Variants in POR observed in about 807,000 individuals in gnomAD.
The protein encoded by POR is cytochrome p450 oxidoreductase, also known as NADPH--cytochrome P450 reductase.
Under a neutral mutation model 84.0 loss-of-function variants are expected in POR, and 56 were observed. The observed-to-expected ratio is 0.67, with a 90% CI of 0.54 to 0.83. The LOEUF (loss-of-function observed/expected upper bound fraction) is 0.83. Ranked by LOEUF, POR falls within the 40% of genes least tolerant of loss-of-function variation. POR has a pLI of 0.00. For missense variants in POR, 938 were observed against 944.3 expected, an observed-to-expected ratio of 0.99 and a Z score of 0.09; for synonymous variants, 414 against 400.5, an observed-to-expected ratio of 1.03 and a Z score of -0.40.
At chr7:75,979,350 G>A (rs1002240754) in intron 3 of POR, 101 bp from the exon 4 acceptor site, 42 of 1,402,664 alleles carry the variant, frequency 3.0e-5, no homozygotes, top group Middle Eastern at 1.9e-4. Context: ...GAAAGGGGGC[G>A]GCCTGGAGGG....
At chr7:75,946,866 T>C (rs1563410361) in intron 1 of POR, 1 of 152,242 alleles carries the variant, frequency 6.6e-6, no homozygotes, top group Non-Finnish European at 1.5e-5. Flanking sequence ...AGGGACTGCC[T>C]GACCCGGAAG....
At chr7:75,959,711 G>A (rs1024083302) in intron 2 of POR, among the ~76,000 whole-genome samples, 23 of 152,128 alleles carry the variant, frequency 1.5e-4, no homozygotes, top group East Asian at 5.8e-4. Flanking sequence ...CCGCCTGGGC[G>A]TCCCAAAATA....
Position 75,980,462 on chromosome 7 carries a change from G to A in POR, c.490G>A (p.Val164Met), listed in dbSNP as rs200112691. ...CTACGACTGGCTGCAGGAGACAGAC[G>A]TGGATCTCTCTGGGGTCAAGTTCGC... is the stretch of plus-strand genomic sequence containing the variant. The change falls in exon 5 of 16, where the codon GTG (valine) becomes ATG (methionine). Residue 164 changes from valine (V) to methionine (M), a missense_variant. Transcript: ENST00000461988. 549 of 1,613,108 alleles carry A rather than the reference G, an allele frequency of 3.4e-4. No homozygotes were observed. The highest frequency in any genetic ancestry group is 5.8e-4 in the South Asian group (53 of 91,072).
Position 75,981,498 on chromosome 7 carries a change from T to G in POR, c.642-19T>G. The G allele has an allele frequency of 1.2e-6, 2 of 1,603,504 alleles. No homozygotes were observed. Among genetic ancestry groups the G allele is most frequent in the Non-Finnish European group, 1.7e-6 (2 of 1,174,908 alleles). On this transcript the variant is annotated intron_variant, in intron 6 of 15. Transcript: ENST00000461988. Reference sequence around the variant, plus strand: ...TGGGCCTCCCCTGAGCCGCTCCCCCTCTCCTCTCCTCGGCCCAGCTTGGAG... The same window carrying G: ...TGGGCCTCCCCTGAGCCGCTCCCCCGCTCCTCTCCTCGGCCCAGCTTGGAG...
At chr7:75,962,368 A>C (rs933820383) in intron 2 of POR, among the ~76,000 whole-genome samples, 1 of 152,072 alleles carries the variant, frequency 6.6e-6, no homozygotes, top group Admixed American at 6.6e-5. Flanking sequence ...ATCAGGGCTC[A>C]CTACAGCCTC....
Position 75,985,628 on chromosome 7 carries a change from C to T in POR, c.1448C>T (p.Thr483Ile), listed in dbSNP as rs377735795. 8 of 1,591,310 alleles carry T rather than the reference C, an allele frequency of 5.0e-6. No homozygotes were observed. Among genetic ancestry groups the T allele is most frequent in the Non-Finnish European group, 6.8e-6 (8 of 1,168,786 alleles). ...TGTGCGGTGGTTGTGGAGTACGAGACCAAGGCTGGCCGCATCAACAAGGGC... is the reference window on the plus strand; with the variant it reads ...TGTGCGGTGGTTGTGGAGTACGAGATCAAGGCTGGCCGCATCAACAAGGGC... The change falls in exon 13 of 16, where the codon ACC (threonine) becomes ATC (isoleucine). Residue 483 changes from threonine (T) to isoleucine (I), a missense_variant. By Grantham distance (89) the Thr-to-Ile change is moderately conservative. Transcript: ENST00000461988.
At chr7:75,940,600 T>A (rs1289796158) in intron 1 of POR, among the ~76,000 whole-genome samples, 9 of 150,770 alleles carry the variant, frequency 6.0e-5, no homozygotes, top group Non-Finnish European at 1.2e-4. Context: ...CTGGCTAATA[T>A]GGTGAAACCC....
intron 1 of POR, among the ~76,000 whole-genome samples, chr7:75,938,925 A>C (rs1326779754): frequency 1.3e-5 from 2 of 152,102 alleles, no homozygotes; most frequent in African/African-American, 2.4e-5. Flanking sequence ...TGACTGGTGG[A>C]CCCTGATCAT....
chr7:75,920,278 C>T (rs1806791722), intron 1 of POR, among the ~76,000 whole-genome samples: 1 of 151,856 alleles, frequency 6.6e-6, no homozygotes, highest in Non-Finnish European at 1.5e-5. Context: ...CTGTGTTGGC[C>T]AGGCTGGTTT....
intron 3 of POR, among the ~76,000 whole-genome samples, chr7:75,977,736 C>CGT (rs1177588542): frequency 1.3e-5 from 2 of 152,184 alleles, no homozygotes; most frequent in African/African-American, 4.8e-5. Context: ...TGAGATCGTG[C>CGT]CATTACACTC....
chr7:75,931,882 A>G (rs1424783670), intron 1 of POR, among the ~76,000 whole-genome samples: 1 of 152,184 alleles, frequency 6.6e-6, no homozygotes, highest in Non-Finnish European at 1.5e-5. Flanking sequence ...AGCTGAGGCC[A>G]CTACTCGATT....
intron 1 of POR, among the ~76,000 whole-genome samples, chr7:75,952,651 G>C (rs1320893461): frequency 1.3e-5 from 2 of 151,152 alleles, no homozygotes; most frequent in East Asian, 3.9e-4. Context: ...ATGGGGTCGC[G>C]GCCGGGCAGA....
In POR at chr7:75,985,069, G is replaced by C. The variant is rs781849053; in HGVS notation, c.1260G>C (p.Leu420=). 2.2e-5 allele frequency: 35 copies of C among 1,598,662 alleles called. No homozygotes were observed. The highest frequency in any genetic ancestry group is 3.3e-4 in the Middle Eastern group (2 of 6,072). The change falls in exon 12 of 16, where the codon CTG becomes CTC. Residue 420 remains leucine, a synonymous_variant. Coordinates refer to ENST00000461988, the MANE Select transcript of POR (RefSeq NM_000941.3). ...CCCGTGTCTCTTAGGAGCTGTACCT[G>C]AGCTGGGTGGTGGAGGCCCGGAGGC...
At chr7:75,924,091 A>G (rs1471788937) in intron 1 of POR, among the ~76,000 whole-genome samples, 2 of 152,064 alleles carry the variant, frequency 1.3e-5, no homozygotes, top group Admixed American at 1.3e-4. Context: ...TAACTCTAGC[A>G]TTTGTACAAG....
At chr7:75,983,026 C>T (rs1205870143) in intron 8 of POR, among the ~76,000 whole-genome samples, 1 of 152,148 alleles carries the variant, frequency 6.6e-6, no homozygotes, top group Non-Finnish European at 1.5e-5. Context: ...CAGCTCTGCC[C>T]ATGTGGTGGG....
intron 12 of POR, 162 bp from the exon 13 acceptor site, chr7:75,985,417 C>T (rs1789375750): frequency 3.5e-6 from 4 of 1,137,960 alleles, no homozygotes; most frequent in Admixed American, 2.9e-5. Flanking sequence ...GTCCCCAGAA[C>T]CAGTCCGGGA....
rs1163437835 is a variant in POR, at chr7:75,983,754, C to T, written c.964C>T (p.His322Tyr). ...TCCCTCCAGGTATGAATCTGGGGACCACGTGGCTGTGTACCCAGCCAACGA... is the reference window on the plus strand; with the variant it reads ...TCCCTCCAGGTATGAATCTGGGGACTACGTGGCTGTGTACCCAGCCAACGA... The change falls in exon 10 of 16, where the codon CAC becomes TAC. Residue 322 changes from histidine (H) to tyrosine (Y), a missense_variant. Coordinates refer to ENST00000461988, the MANE Select transcript of POR (RefSeq NM_000941.3). 1 of 1,612,384 alleles carries T rather than the reference C, an allele frequency of 6.2e-7. No homozygotes were observed.
rs1247208256 is a variant in POR at position 75,962,742 on chromosome 7, C to A, written c.188+8562C>A. ...CCTGTCCTACCTCTTTGCAATCATCCTCCTCCATCGGGTAATCAGCCTCTG... is the reference window on the plus strand; with the variant it reads ...CCTGTCCTACCTCTTTGCAATCATCATCCTCCATCGGGTAATCAGCCTCTG... On this transcript the variant is annotated intron_variant, in intron 2 of 15. Coordinates refer to ENST00000461988, the MANE Select transcript of POR (RefSeq NM_000941.3). 2.6e-5 allele frequency among the ~76,000 whole-genome samples: 4 copies of A among 152,340 alleles called. 1 individual carries two copies. The highest frequency in any genetic ancestry group is 9.6e-5 in the African/African-American group (4 of 41,580).
Position 75,967,305 on chromosome 7 carries a change from C to G in POR, c.189-5108C>G, listed in dbSNP as rs147980566. On this transcript the variant is annotated intron_variant, in intron 2 of 15. Transcript: ENST00000461988. ...GGCTTTCGGATGGGCTGTTTGCACT[C>G]GGGAACCTCAGAAGGGTGCTCCCCA... 1.5e-3 allele frequency among the ~76,000 whole-genome samples: 222 copies of G among 152,238 alleles called. 1 individual carries two copies. Among genetic ancestry groups the G allele is most frequent in the African/African-American group, 5.2e-3 (216 of 41,542 alleles).
Sources: gnomAD v4.1 joint callset for allele counts (sites outside exome capture counted in the v4.1 genomes callset) on GRCh38, gnomAD v4.1.1 for gene constraint, MANE v1.5 for transcripts, NCBI Gene and HGNC (gene_info 2026-07-23, HGNC 2026-07-21) for gene names.